The following MCUR1 variants were observed in gnomAD, a reference collection of about 807,000 sequenced individuals.
The protein encoded by MCUR1 is MCU regulator 1.
In MCUR1, 37 loss-of-function variants were observed where a neutral mutation model predicts 42.0. The ratio of observed to expected loss-of-function variants is 0.88; its 90% CI spans 0.68 to 1.16. MCUR1 has a LOEUF of 1.16. Among genes scored for constraint, MCUR1 ranks in the 50% most tolerant of loss-of-function variants. The pLI is 0.00. For synonymous variants in MCUR1, 229 were observed against 196.2 expected, an observed-to-expected ratio of 1.17 and a Z score of -1.40; for missense variants, 469 against 468.4, an observed-to-expected ratio of 1.00 and a Z score of -0.01.
rs1473359024 is a variant in MCUR1, at chr6:13,814,113, C to A, written c.317G>T (p.Arg106Leu). The change falls in exon 1 of 9, where the codon CGC becomes CTC. Residue 106 changes from arginine (R) to leucine (L), a missense_variant. By Grantham distance (102) the Arg-to-Leu change is moderately radical. Coordinates refer to ENST00000379170, the MANE Select transcript of MCUR1 (RefSeq NM_001031713.4). ...RLGYAAPPAG[R>L]SSAWRCSPGV... ...CGGTGAGCACCTCCACGCGCTGCTG[C>A]GCCCGGCCGGGGGTGCGGCATACCC... 5 of 1,256,240 alleles carry A rather than the reference C, an allele frequency of 4.0e-6. No homozygotes were observed. Among genetic ancestry groups the A allele is most frequent in the Non-Finnish European group, 5.0e-6 (5 of 1,005,086 alleles). 77.8% of individuals were successfully genotyped at this position (1,256,240 alleles called of 1,614,324 possible). A position where few individuals can be genotyped will look rare whatever the true frequency, so the allele number is the denominator to read the frequency against.
At chr6:13,791,857 A>C in intron 8 of MCUR1, 21 bp downstream of exon 8, 1 of 1,535,342 alleles carries the variant, frequency 6.5e-7, no homozygotes, top group Non-Finnish European at 9.0e-7. Context: ...GGTTGATTTA[A>C]ATAGATACAA....
rs1238388880 is a variant in MCUR1, at chr6:13,802,321, G to T, written c.561C>A (p.Ile187=). The change falls in exon 3 of 9, where the codon ATC becomes ATA. Residue 187 remains isoleucine (I), a synonymous_variant. Coordinates refer to ENST00000379170, the MANE Select transcript of MCUR1 (RefSeq NM_001031713.4). The part of the protein sequence containing the change: ...DNGFATQQAE[I]IVSALVKILE... The stretch of plus-strand genomic sequence containing the variant: ...GGATCTTGACCAATGCAGACACAAT[G>T]ATTTCTGCTTGTTGAGTAGCAAACC... 1.2e-6 allele frequency: 2 copies of T among 1,613,552 alleles called. No homozygotes were observed. Among genetic ancestry groups the T allele is most frequent in the South Asian group, 1.1e-5 (1 of 91,028 alleles).
chr6:13,799,834 T>C (rs975425388), intron 5 of MCUR1, among the ~76,000 whole-genome samples: 166 of 142,122 alleles, frequency 1.2e-3, no homozygotes, highest in Non-Finnish European at 1.6e-3. Flanking sequence ...TTTCTTTTTT[T>C]TTTTTTTTTT....
rs530171402 is a variant in MCUR1, at chr6:13,788,269, G to A, written c.*2540C>T. Reference sequence around the variant, plus strand: ...GTACACTTGTATTTTGGGCTCAAATGGTTTTCAAATAAAATACATCTGACC... The same window carrying A: ...GTACACTTGTATTTTGGGCTCAAATAGTTTTCAAATAAAATACATCTGACC... On this transcript the variant is annotated 3_prime_UTR_variant, in exon 9 of 9. Transcript: ENST00000379170. 6.6e-6 allele frequency: 1 copy of A among 152,158 alleles called. No individual in the cohort carries two copies. Among genetic ancestry groups the A allele is most frequent in the African/African-American group, 2.4e-5 (1 of 41,438 alleles). The allele number at this position is 152,158 out of a possible 1,614,324, so 9.4% of individuals were successfully genotyped here.
At chr6:13,793,125 C>CAAAAAAAAAA (rs781438643) in intron 7 of MCUR1, among the ~76,000 whole-genome samples, 3 of 87,900 alleles carry the variant, frequency 3.4e-5, no homozygotes, top group Admixed American at 1.4e-4. Flanking sequence ...GACCCCACCT[C>CAAAAAAAAAA]AAAAAAAAAA....
At chr6:13,810,976 AT>A (rs2113481607) in intron 1 of MCUR1, among the ~76,000 whole-genome samples, 1 of 152,234 alleles carries the variant, frequency 6.6e-6, no homozygotes, top group South Asian at 2.1e-4. Context: ...AAGCTATTCT[AT>A]TTCCTGCAAT....
In MCUR1 at chr6:13,814,124, G is replaced by A. The variant is rs1414605591; in HGVS notation, c.306C>T (p.Pro102=). The A allele has an allele frequency of 7.9e-7, 1 of 1,265,964 alleles. No homozygotes were observed. Among genetic ancestry groups the A allele is most frequent in the African/African-American group, 1.6e-5 (1 of 64,414 alleles). The allele number at this position is 1,265,964 out of a possible 1,614,324, so 78.4% of individuals were successfully genotyped here. Residue 102 remains proline (P), a synonymous_variant, in exon 1 of 9, where the codon CCC becomes CCT. Transcript: ENST00000379170. ...TCCACGCGCTGCTGCGCCCGGCCGG[G>A]GGTGCGGCATACCCGAGGCGCGAGC... The part of the protein sequence containing the change: ...WERSRLGYAA[P]PAGRSSAWRC...
rs148944708 is a variant in MCUR1 at position 13,791,496 on chromosome 6, A to G, written c.1024+382T>C. Among the ~76,000 whole-genome samples, 907 of 152,332 alleles carry G rather than the reference A, an allele frequency of 6.0e-3. 5 individuals are homozygous for G. Among genetic ancestry groups the G allele is most frequent in the African/African-American group, 0.021 (868 of 41,582 alleles). On this transcript the variant is annotated intron_variant, in intron 8 of 8. Transcript: ENST00000379170. ...CTTTTGGATCAAAAATCGCGAAAGT[A>G]AAATAACTCCTTAAAAGGAGTTTAA... is the stretch of plus-strand genomic sequence containing the variant.
intron 1 of MCUR1, among the ~76,000 whole-genome samples, chr6:13,813,558 G>A (rs1232095031): frequency 6.6e-6 from 1 of 152,190 alleles, no homozygotes; most frequent in Non-Finnish European, 1.5e-5. Context: ...CAGGGCAGAC[G>A]CTAGGACTCC....
intron 3 of MCUR1, 75 bp downstream of exon 3, chr6:13,802,168 T>A: frequency 8.2e-7 from 1 of 1,221,566 alleles, no homozygotes; most frequent in Middle Eastern, 2.2e-4. Flanking sequence ...ATCCAAAAAA[T>A]TATATTAAAA....
chr6:13,807,316 T>G (rs2113476158), intron 1 of MCUR1, among the ~76,000 whole-genome samples: 1 of 152,268 alleles, frequency 6.6e-6, no homozygotes. Context: ...CCAGCCCTTC[T>G]CAACTGCCCC....
chr6:13,790,310 G>A lies in MCUR1; in HGVS notation c.*499C>T, dbSNP rs1033839522. 1 of 154,258 alleles carries A rather than the reference G, an allele frequency of 6.5e-6. No homozygotes were observed. The highest frequency in any genetic ancestry group is 1.4e-5 in the Non-Finnish European group (1 of 69,694). The allele number at this position is 154,258 out of a possible 1,614,324, so 9.6% of individuals were successfully genotyped here. A position where few individuals can be genotyped will look rare whatever the true frequency, so the allele number is the denominator to read the frequency against. ...ACCACTCAGCTAGAAAGTCAACTAA[G>A]CAGAAAGGAGATAAGGAATGGCTAT... On this transcript the variant is annotated 3_prime_UTR_variant, in exon 9 of 9. Transcript: ENST00000379170.
In MCUR1 at chr6:13,802,281, C is replaced by T. The variant is rs374285516; in HGVS notation, c.601G>A (p.Asp201Asn). 35 of 1,613,830 alleles carry T rather than the reference C, an allele frequency of 2.2e-5. No homozygotes were observed. In the East Asian group the frequency reaches 6.7e-4, roughly 31 times the overall value. Residue 201 changes from aspartate (D) to asparagine (N), a missense_variant, in exon 3 of 9, where the codon GAC becomes AAC. By Grantham distance (23) the Asp-to-Asn change is conservative (BLOSUM62 1). Coordinates refer to ENST00000379170, the MANE Select transcript of MCUR1 (RefSeq NM_001031713.4). Reference protein sequence around the residue: ...ALVKILEANMDIVYKDMVTKM... With the variant: ...ALVKILEANMNIVYKDMVTKM... ...GTGACCATATCTTTGTAGACGATGT[C>T]CATGTTGGCCTCCAGGATCTTGACC...
Position 13,790,473 on chromosome 6 carries a change from T to C in MCUR1, c.*336A>G, listed in dbSNP as rs78932981. The C allele has an allele frequency of 0.019, 2,977 of 154,630 alleles. 96 individuals carry two copies. The highest frequency in any genetic ancestry group is 0.067 in the African/African-American group (2,803 of 41,614). The allele number at this position is 154,630 out of a possible 1,614,324, so 9.6% of individuals were successfully genotyped here. A position where few individuals can be genotyped will look rare whatever the true frequency, so the allele number is the denominator to read the frequency against. On this transcript the variant is annotated 3_prime_UTR_variant, in exon 9 of 9. Transcript: ENST00000379170. The stretch of plus-strand genomic sequence containing the variant: ...ACAATCTGGTATTCCGGTTTTTTTT[T>C]TTTTTTTGAGACGGAGTCTCGCTCT...
chr6:13,799,057 A>C (rs1245705438), intron 5 of MCUR1, among the ~76,000 whole-genome samples, 153 bp from the exon 6 acceptor site: 2 of 152,110 alleles, frequency 1.3e-5, no homozygotes, highest in African/African-American at 4.8e-5. Context: ...AGAGAAATGG[A>C]CCTAGGCCTC....
chr6:13,789,354 T>C lies in MCUR1; in HGVS notation c.*1455A>G, dbSNP rs1759674225. ...AGGCAGAGGTTGCAGTGAGCAGAGA[T>C]CACGACAATGCACTCCAGCCCTGCG... On this transcript the variant is annotated 3_prime_UTR_variant, in exon 9 of 9. Coordinates refer to ENST00000379170, the MANE Select transcript of MCUR1 (RefSeq NM_001031713.4). The C allele has an allele frequency of 6.7e-6, 1 of 149,940 alleles. No homozygotes were observed. Among genetic ancestry groups the C allele is most frequent in the Non-Finnish European group, 1.5e-5 (1 of 67,968 alleles). 9.3% of individuals were successfully genotyped at this position (149,940 alleles called of 1,614,324 possible). A position where few individuals can be genotyped will look rare whatever the true frequency, so the allele number is the denominator to read the frequency against.
chr6:13,787,731 TTACCCA>T lies in MCUR1; in HGVS notation c.*3072_*3077del, dbSNP rs1166994548. ...GTGTTCAGGATCTCGCTATGGTTAG[TTACCCA>T]TGTGCTAGACATAGGTTGCTAGCTA... On this transcript the variant is annotated 3_prime_UTR_variant, in exon 9 of 9. Coordinates refer to ENST00000379170, the MANE Select transcript of MCUR1 (RefSeq NM_001031713.4). 6.6e-6 allele frequency: 1 copy of T among 152,238 alleles called. No homozygotes were observed. The highest frequency in any genetic ancestry group is 2.4e-5 in the African/African-American group (1 of 41,456). The allele number at this position is 152,238 out of a possible 1,614,324, so 9.4% of individuals were successfully genotyped here. A position where few individuals can be genotyped will look rare whatever the true frequency, so the allele number is the denominator to read the frequency against.
rs141313933 is a variant in MCUR1, at chr6:13,796,331, A to G, written c.856-2384T>C. On this transcript the variant is annotated intron_variant, in intron 6 of 8. Transcript: ENST00000379170. ...GAGACAGGGTCTCACTCTGTCACCC[A>G]GGCTGGAGTGCAGTGGCGTGATCTC... is the stretch of plus-strand genomic sequence containing the variant. Among the ~76,000 whole-genome samples the G allele has an allele frequency of 1.5e-3, 221 of 145,350 alleles. 5 individuals are homozygous for G. In the East Asian group the frequency reaches 0.039, roughly 26 times the overall value.
In MCUR1 at chr6:13,800,465, AC is replaced by A. The variant is rs1759967177; in HGVS notation, c.742-84del. On this transcript the variant is annotated intron_variant, in intron 4 of 8. Transcript: ENST00000379170. Reference sequence around the variant, plus strand: ...CAAATATTACAATACATATTTATGCACAAGTTCCTCAGGTTTTTCCTTCATT... The same window carrying A: ...CAAATATTACAATACATATTTATGCAAAGTTCCTCAGGTTTTTCCTTCATT... 3 of 753,002 alleles carry A rather than the reference AC, an allele frequency of 4.0e-6. No homozygotes were observed. The African/African-American group carries it at 5.4e-5, about 13-fold the overall frequency. 46.6% of individuals were successfully genotyped at this position (753,002 alleles called of 1,614,324 possible). A position where few individuals can be genotyped will look rare whatever the true frequency, so the allele number is the denominator to read the frequency against.
Sources: allele counts gnomAD v4.1 joint callset (sites outside exome capture counted in the v4.1 genomes callset), GRCh38; gene constraint gnomAD v4.1.1; transcripts MANE v1.5; gene names NCBI Gene and HGNC (gene_info 2026-07-23, HGNC 2026-07-21).